PHLDB2: variants seen among roughly 807,000 people sequenced by gnomAD.
PHLDB2 encodes the protein pleckstrin homology-like domain family B member 2.
PHLDB2 carries 71 observed loss-of-function variants against 123.6 expected under a neutral mutation model. The ratio of observed to expected loss-of-function variants is 0.57; its 90% CI spans 0.47 to 0.70. The LOEUF (loss-of-function observed/expected upper bound fraction) is 0.70, where lower values mean the gene tolerates loss of function less well. Among genes scored for constraint, PHLDB2 ranks in the 30% least tolerant of loss-of-function variants. The pLI is 0.00. For missense variants in PHLDB2, 1,446 were observed against 1,519.5 expected (o/e 0.95, Z 0.80); for synonymous variants, 547 against 541.6 (o/e 1.01, Z -0.14).
At chr3:111,768,380 A>G (rs1358520499) in intron 1 of PHLDB2, among the ~76,000 whole-genome samples, 1 of 152,206 alleles carries the variant, frequency 6.6e-6, no homozygotes, top group Non-Finnish European at 1.5e-5. Flanking sequence ...AAGTGAGAAT[A>G]TTATTCTCTG....
chr3:111,824,985 C>G (rs1316882350), intron 1 of PHLDB2, among the ~76,000 whole-genome samples: 1 of 152,114 alleles, frequency 6.6e-6, no homozygotes, highest in Admixed American at 6.6e-5. Flanking sequence ...CTCTTAATGG[C>G]CTCATCTGCT....
chr3:111,864,208 G>A (rs2064964218), intron 1 of PHLDB2, among the ~76,000 whole-genome samples: 2 of 152,172 alleles, frequency 1.3e-5, no homozygotes, highest in East Asian at 1.9e-4. Flanking sequence ...CAAAAGGGGT[G>A]TAGCAGTCTT....
At chr3:111,896,363 G>A (rs1283910320) in intron 2 of PHLDB2, among the ~76,000 whole-genome samples, 4 of 132,682 alleles carry the variant, frequency 3.0e-5, no homozygotes, top group Non-Finnish European at 6.5e-5. Context: ...CCCCCGCCCC[G>A]AGACGGAGTC....
chr3:111,811,385 G>T (rs1383759319), intron 1 of PHLDB2, among the ~76,000 whole-genome samples: 1 of 152,056 alleles, frequency 6.6e-6, no homozygotes. Context: ...TGCATATTTT[G>T]CTACCAATTA....
At chr3:111,912,232 C>A (rs1021510412) in intron 2 of PHLDB2, among the ~76,000 whole-genome samples, 5 of 152,186 alleles carry the variant, frequency 3.3e-5, no homozygotes, top group African/African-American at 1.2e-4. Context: ...AGCAGAGAAG[C>A]ATTTTGTAAA....
intron 1 of PHLDB2, among the ~76,000 whole-genome samples, chr3:111,793,965 G>C (rs2061037422): frequency 1.3e-5 from 2 of 151,450 alleles, no homozygotes; most frequent in East Asian, 2.0e-4. Flanking sequence ...GAGCCGTGCT[G>C]CCTGGAGTTG....
At chr3:111,901,254 G>A (rs1033829793) in intron 2 of PHLDB2, among the ~76,000 whole-genome samples, 4 of 151,836 alleles carry the variant, frequency 2.6e-5, no homozygotes, top group Admixed American at 2.6e-4. Context: ...CAGCTACTCA[G>A]GAGGCTGAGG....
intron 1 of PHLDB2, among the ~76,000 whole-genome samples, chr3:111,834,147 AATTATATAT>A (rs1311330134): frequency 5.3e-4 from 17 of 31,892 alleles, no homozygotes; most frequent in East Asian, 1.6e-3. Flanking sequence ...TATGTAATAG[AATTATATAT>A]ATTATATATG....
At chr3:111,827,742 G>A (rs1253382410) in intron 1 of PHLDB2, among the ~76,000 whole-genome samples, 1 of 146,402 alleles carries the variant, frequency 6.8e-6, no homozygotes, top group African/African-American at 2.5e-5. Flanking sequence ...ACTCGGTTCA[G>A]ACTGTTTCTT....
intron 1 of PHLDB2, among the ~76,000 whole-genome samples, chr3:111,826,860 G>A (rs1559852007): frequency 6.6e-6 from 1 of 152,102 alleles, no homozygotes; most frequent in Non-Finnish European, 1.5e-5. Context: ...CTAGGAGGCT[G>A]CTCATTATTT....
At chr3:111,738,692 A>G (rs2059550529) in intron 1 of PHLDB2, among the ~76,000 whole-genome samples, 1 of 152,146 alleles carries the variant, frequency 6.6e-6, no homozygotes, top group Non-Finnish European at 1.5e-5. Flanking sequence ...ACTTTTAATC[A>G]TTATACAGTA....
intron 1 of PHLDB2, among the ~76,000 whole-genome samples, chr3:111,763,171 T>A (rs2060023259): frequency 6.6e-6 from 1 of 152,228 alleles, no homozygotes; most frequent in East Asian, 1.9e-4. Context: ...TTTTAGGTAT[T>A]TGATTCATTG....
intron 2 of PHLDB2, among the ~76,000 whole-genome samples, chr3:111,903,959 A>G (rs753494166): frequency 2.0e-5 from 3 of 152,094 alleles, no homozygotes; most frequent in South Asian, 2.1e-4. Flanking sequence ...TGTTCTTTCT[A>G]CTTAAGCTGA....
chr3:111,870,258 T>C (rs1236636666), intron 1 of PHLDB2, among the ~76,000 whole-genome samples: 2 of 152,000 alleles, frequency 1.3e-5, no homozygotes, highest in African/African-American at 4.8e-5. Flanking sequence ...GGCTGTTTGC[T>C]TAGAGGGGGG....
At chr3:111,747,636 CTA>C (rs1306285314) in intron 1 of PHLDB2, among the ~76,000 whole-genome samples, 1 of 152,120 alleles carries the variant, frequency 6.6e-6, no homozygotes, top group Non-Finnish European at 1.5e-5. Context: ...TAGCCTCTGA[CTA>C]TGTTTCCCAG....
At chr3:111,886,211 G>A (rs531111170) in intron 2 of PHLDB2, among the ~76,000 whole-genome samples, 3 of 152,348 alleles carry the variant, frequency 2.0e-5, no homozygotes, top group Non-Finnish European at 1.5e-5. Context: ...AAGAGAAGCT[G>A]CAGGATAGTA....
chr3:111,954,852 C>T (rs1559920926), intron 12 of PHLDB2, among the ~76,000 whole-genome samples: 2 of 152,010 alleles, frequency 1.3e-5, no homozygotes, highest in African/African-American at 4.8e-5. Context: ...GAAATAATGG[C>T]GGTATGCCCA....
At chr3:111,974,391 T>G in intron 17 of PHLDB2, 32 bp from the exon 18 acceptor site, 1 of 1,549,198 alleles carries the variant, frequency 6.5e-7, no homozygotes. Flanking sequence ...AAGATGTTTA[T>G]TTTACATTCT....
chr3:111,944,522 G>T (rs1329236480), intron 8 of PHLDB2, among the ~76,000 whole-genome samples: 1 of 151,912 alleles, frequency 6.6e-6, no homozygotes, highest in African/African-American at 2.4e-5. Context: ...ACACCATAAA[G>T]TTCCCAAAAG....
Sources: gnomAD v4.1 joint callset for allele counts (sites outside exome capture counted in the v4.1 genomes callset) on GRCh38, gnomAD v4.1.1 for gene constraint, MANE v1.5 for transcripts, NCBI Gene and HGNC (gene_info 2026-07-23, HGNC 2026-07-21) for gene names.